AKT1: variants seen among roughly 807,000 people sequenced by gnomAD.
The protein encoded by AKT1 is RAC-alpha serine/threonine-protein kinase.
Under a neutral mutation model 63.1 loss-of-function variants are expected in AKT1, and 21 were observed. The observed-to-expected ratio is 0.33, with a 90% CI of 0.24 to 0.48. The LOEUF is 0.48. Ranked by LOEUF, AKT1 falls within the 20% of genes least tolerant of loss-of-function variation. The pLI is 0.99. For missense variants in AKT1, 382 were observed against 666.0 expected (o/e 0.57, Z 4.69); for synonymous variants, 257 against 253.1 (o/e 1.02, Z -0.15).
chr14:104,777,348 GCACA>G (rs1267531545), intron 4 of AKT1: 8 of 221,298 alleles, frequency 3.6e-5, no homozygotes, highest in Admixed American at 1.8e-4. Flanking sequence ...TACATCTGGG[GCACA>G]CACACACTGG....
intron 6 of AKT1, chr14:104,775,422 TG>T: frequency 1.8e-6 from 2 of 1,100,710 alleles, no homozygotes; most frequent in South Asian, 3.3e-5. Context: ...CAGGGAAGGG[TG>T]GGGTAACATT....
Position 104,770,075 on chromosome 14 carries a change from G to T in AKT1, c.*266C>A, listed in dbSNP as rs1206301361. On this transcript the variant is annotated 3_prime_UTR_variant, in exon 15 of 15. Transcript: ENST00000649815. ...AGAAGTCCTTAACATTTCCCTACGT[G>T]AATCGGATTGTTCTGAGGGCTGAGG... 1.8e-6 allele frequency: 1 copy of T among 554,944 alleles called. No individual in the cohort carries two copies. Among genetic ancestry groups the T allele is most frequent in the Non-Finnish European group, 3.2e-6 (1 of 308,046 alleles). 34.4% of individuals were successfully genotyped at this position (554,944 alleles called of 1,614,324 possible).
Position 104,792,700 on chromosome 14 carries a change from C to T in AKT1, c.-57G>A, listed in dbSNP as rs1030315569. The T allele has an allele frequency of 4.4e-6, 7 of 1,591,310 alleles. No homozygotes were observed. In the African/African-American group the frequency reaches 8.0e-5, roughly 18 times the overall value. Reference sequence around the variant, plus strand: ...TCCTCTCAGGCTGGCGCTCCCCGAGCCCAGCTGGCCTGGCCACAGCCTCTG... The same window carrying T: ...TCCTCTCAGGCTGGCGCTCCCCGAGTCCAGCTGGCCTGGCCACAGCCTCTG... On this transcript the variant is annotated 5_prime_UTR_variant, in exon 3 of 15. Coordinates refer to ENST00000649815, the MANE Select transcript of AKT1 (RefSeq NM_001382430.1).
chr14:104,775,602 C>T, intron 6 of AKT1, 50 bp downstream of exon 6: 1 of 1,596,946 alleles, frequency 6.3e-7, no homozygotes, highest in Non-Finnish European at 8.5e-7. Flanking sequence ...CCCAGCCCTC[C>T]ACAGTCCAAG....
intron 4 of AKT1, among the ~76,000 whole-genome samples, chr14:104,779,454 G>A (rs905919514): frequency 6.6e-6 from 1 of 152,230 alleles, no homozygotes; most frequent in African/African-American, 2.4e-5. Flanking sequence ...GGTTTCCCAA[G>A]GAGAGGCCCT....
rs1236552690 is a variant in AKT1, at chr14:104,775,637, G to A, written c.435+15C>T. 6.2e-7 allele frequency: 1 copy of A among 1,613,146 alleles called. No homozygotes were observed. On this transcript the variant is annotated intron_variant, in intron 6 of 14. Coordinates refer to ENST00000649815, the MANE Select transcript of AKT1 (RefSeq NM_001382430.1). ...GGCAGCCCCAGGCACAGGCAGAAGT[G>A]GGGACAGGCCTCACCACGCGGTGCT...
At chr14:104,776,240 G>A (rs188846896) in intron 5 of AKT1, 26 of 199,110 alleles carry the variant, frequency 1.3e-4, no homozygotes, top group Non-Finnish European at 2.4e-4. Context: ...TCTGCCTCTC[G>A]GGTTCAAGCG....
chr14:104,776,392 G>A (rs1566818679), intron 5 of AKT1: 2 of 380,138 alleles, frequency 5.3e-6, no homozygotes, highest in Non-Finnish European at 9.7e-6. Context: ...AGTGATCTGC[G>A]CACCTCGGCC....
chr14:104,787,052 C>T (rs1020397316), intron 3 of AKT1, among the ~76,000 whole-genome samples: 1 of 152,128 alleles, frequency 6.6e-6, no homozygotes, highest in East Asian at 1.9e-4. Context: ...AGTCACCGGG[C>T]CCGCCTGGGG....
In AKT1 at chr14:104,769,442, G is replaced by A. The variant is rs993850076; in HGVS notation, c.*899C>T. On this transcript the variant is annotated 3_prime_UTR_variant, in exon 15 of 15. Coordinates refer to ENST00000649815, the MANE Select transcript of AKT1 (RefSeq NM_001382430.1). The stretch of plus-strand genomic sequence containing the variant: ...CTAAAGTTGAATGTTGTAAAAAAAC[G>A]CCGTGGTGCAGCGGCAGCGGCAGCG... 2.4e-6 allele frequency: 1 copy of A among 410,676 alleles called. No homozygotes were observed. Among genetic ancestry groups the A allele is most frequent in the Non-Finnish European group, 4.6e-6 (1 of 215,908 alleles). The allele number at this position is 410,676 out of a possible 1,614,324, so 25.4% of individuals were successfully genotyped here.
chr14:104,772,309 G>A (rs931839306), intron 13 of AKT1, 56 bp downstream of exon 13: 75 of 1,575,800 alleles, frequency 4.8e-5, no homozygotes, highest in Admixed American at 3.3e-4. Context: ...GTGCATGCGT[G>A]AGTGTGGATA....
chr14:104,771,568 C>T (rs1892388446), intron 13 of AKT1: 1 of 232,732 alleles, frequency 4.3e-6, no homozygotes, highest in South Asian at 1.8e-4. Context: ...TGGCAGGCCT[C>T]AAGGCAGGAA....
At chr14:104,789,621 G>A (rs1484382408) in intron 3 of AKT1, among the ~76,000 whole-genome samples, 1 of 152,212 alleles carries the variant, frequency 6.6e-6, no homozygotes, top group Non-Finnish European at 1.5e-5. Context: ...TCACACAACA[G>A]AACAAATCTT....
At chr14:104,785,117 G>A (rs1893264042) in intron 3 of AKT1, among the ~76,000 whole-genome samples, 1 of 152,152 alleles carries the variant, frequency 6.6e-6, no homozygotes, top group Non-Finnish European at 1.5e-5. Flanking sequence ...CACATCCATC[G>A]CCCCGACAGC....
At chr14:104,781,648 C>T (rs757251556) in intron 3 of AKT1, among the ~76,000 whole-genome samples, 8 of 152,186 alleles carry the variant, frequency 5.3e-5, no homozygotes, top group Non-Finnish European at 1.0e-4. Context: ...ACCAGCACCA[C>T]GGGGCGTGGT....
intron 4 of AKT1, among the ~76,000 whole-genome samples, chr14:104,779,044 C>G (rs1479637687): frequency 6.6e-6 from 1 of 152,204 alleles, no homozygotes; most frequent in Non-Finnish European, 1.5e-5. Context: ...AGCTGGGCTC[C>G]AGGACAGGGA....
Position 104,775,312 on chromosome 14 carries a change from G to A in AKT1, c.436-105C>T, listed in dbSNP as rs1004067572. On this transcript the variant is annotated intron_variant, in intron 6 of 14. Transcript: ENST00000649815. ...GCCCCAGAGTCGGAGGCAGAGCCAG[G>A]AGAGGCGTCCACTTCACACCTGGTG... 2.6e-6 allele frequency: 4 copies of A among 1,558,586 alleles called. No individual in the cohort carries two copies. The East Asian group carries it at 6.9e-5, about 27-fold the overall frequency.
intron 3 of AKT1, among the ~76,000 whole-genome samples, chr14:104,780,713 G>GGCC (rs1892984385): frequency 1.3e-5 from 2 of 150,836 alleles, no homozygotes; most frequent in East Asian, 2.0e-4. Flanking sequence ...CAGCATGGCC[G>GGCC]CCCCCCCCGC....
At position 104,792,684 on chromosome 14, in the gene AKT1, G is replaced by A. The variant is rs763526322; in HGVS notation, c.-41C>T. The A allele has an allele frequency of 1.9e-5, 30 of 1,604,150 alleles. No homozygotes were observed. In the South Asian group the frequency reaches 3.2e-4, roughly 17 times the overall value. The stretch of plus-strand genomic sequence containing the variant: ...CGCGACGCTCACGCGCTCCTCTCAG[G>A]CTGGCGCTCCCCGAGCCCAGCTGGC... On this transcript the variant is annotated 5_prime_UTR_variant, in exon 3 of 15. Transcript: ENST00000649815.
Sources: allele counts gnomAD v4.1 joint callset (sites outside exome capture counted in the v4.1 genomes callset), GRCh38; gene constraint gnomAD v4.1.1; transcripts MANE v1.5; gene names NCBI Gene and HGNC (gene_info 2026-07-23, HGNC 2026-07-21).